Variants in TET1 observed in about 807,000 individuals in gnomAD.
TET1 encodes tet methylcytosine dioxygenase 1.
A neutral mutation model predicts 148.7 loss-of-function variants in TET1; 13 were observed. The ratio of observed to expected loss-of-function variants is 0.09; its 90% CI spans 0.06 to 0.14. TET1 has a LOEUF of 0.14. Among genes scored for constraint, TET1 ranks in the 10% least tolerant of loss-of-function variants. The pLI, the probability that TET1 is intolerant of heterozygous loss-of-function variation, is 1.00. For missense variants in TET1, 2,182 were observed against 2,553.8 expected, an observed-to-expected ratio of 0.85 and a Z score of 3.14; for synonymous variants, 907 against 937.2, an observed-to-expected ratio of 0.97 and a Z score of 0.59.
chr10:68,574,591 G>T (rs1391031314), intron 2 of TET1, among the ~76,000 whole-genome samples: 1 of 152,126 alleles, frequency 6.6e-6, no homozygotes, highest in Non-Finnish European at 1.5e-5. Context: ...GCCTCTTTTG[G>T]CTAGTTGCAT....
At chr10:68,677,315 A>G (rs2055375075) in intron 8 of TET1, among the ~76,000 whole-genome samples, 1 of 152,018 alleles carries the variant, frequency 6.6e-6, no homozygotes, top group Admixed American at 6.6e-5. Context: ...TCCTGATTTA[A>G]CTCCTTCTGA....
At chr10:68,676,228 A>G (rs1477083397) in intron 8 of TET1, among the ~76,000 whole-genome samples, 6 of 67,612 alleles carry the variant, frequency 8.9e-5, no homozygotes, top group East Asian at 4.2e-4. Context: ...ATATATATGT[A>G]TGTATGTGTA....
intron 6 of TET1, among the ~76,000 whole-genome samples, chr10:68,658,084 T>C (rs1329305742): frequency 6.6e-6 from 1 of 152,174 alleles, no homozygotes; most frequent in African/African-American, 2.4e-5. Context: ...GTATTTGTTA[T>C]AAAACATTAA....
At chr10:68,632,017 C>T (rs2054579177) in intron 3 of TET1, among the ~76,000 whole-genome samples, 1 of 151,724 alleles carries the variant, frequency 6.6e-6, no homozygotes, top group Non-Finnish European at 1.5e-5. Flanking sequence ...TTGATATTGG[C>T]TAAACCCTAG....
intron 3 of TET1, among the ~76,000 whole-genome samples, chr10:68,637,899 C>T (rs1449246387): frequency 6.6e-6 from 1 of 151,946 alleles, no homozygotes; most frequent in African/African-American, 2.4e-5. Flanking sequence ...AGTACCTCAG[C>T]CTCCAAAGTA....
chr10:68,650,270 A>C (rs1375537832), intron 4 of TET1, among the ~76,000 whole-genome samples: 2 of 152,178 alleles, frequency 1.3e-5, no homozygotes, highest in Non-Finnish European at 2.9e-5. Flanking sequence ...CCTTAGCGGC[A>C]ACATTCCCCT....
chr10:68,650,584 T>C (rs2054917283), intron 4 of TET1, among the ~76,000 whole-genome samples: 1 of 151,852 alleles, frequency 6.6e-6, no homozygotes, highest in South Asian at 2.1e-4. Context: ...TGAGCCAAGA[T>C]CTCATCACTG....
chr10:68,607,948 T>C (rs2054149199), intron 3 of TET1, among the ~76,000 whole-genome samples: 1 of 151,168 alleles, frequency 6.6e-6, no homozygotes, highest in African/African-American at 2.4e-5. Context: ...TTTTTTTTTT[T>C]GGACAGAGTC....
chr10:68,591,763 C>T (rs12243361), intron 2 of TET1, among the ~76,000 whole-genome samples: 51,339 of 151,646 alleles, frequency 0.34, 9,021 homozygotes, highest in Middle Eastern at 0.44. Context: ...ATTAGCTGGG[C>T]GTGGTGGTGG....
At chr10:68,659,382 C>T (rs1237266886) in intron 6 of TET1, among the ~76,000 whole-genome samples, 4 of 152,048 alleles carry the variant, frequency 2.6e-5, no homozygotes, top group Non-Finnish European at 4.4e-5. Context: ...GGGTGGAGTA[C>T]AGTAGTGTGA....
At chr10:68,639,743 G>A (rs1222680250) in intron 3 of TET1, among the ~76,000 whole-genome samples, 1 of 152,050 alleles carries the variant, frequency 6.6e-6, no homozygotes, top group East Asian at 1.9e-4. Context: ...TGGGAATACA[G>A]GCGTGAGCCA....
intron 6 of TET1, among the ~76,000 whole-genome samples, chr10:68,656,950 C>T (rs1035772961): frequency 6.6e-6 from 1 of 151,194 alleles, no homozygotes; most frequent in Admixed American, 6.6e-5. Flanking sequence ...CACTTGAACC[C>T]AGGAGGCGGA....
chr10:68,566,390 T>A (rs1043653946), intron 1 of TET1, among the ~76,000 whole-genome samples: 1 of 152,216 alleles, frequency 6.6e-6, no homozygotes, highest in African/African-American at 2.4e-5. Context: ...AATTGGAATG[T>A]CTTGTTTTCT....
intron 3 of TET1, among the ~76,000 whole-genome samples, chr10:68,610,782 A>T (rs1047768115): frequency 6.6e-6 from 1 of 151,918 alleles, no homozygotes; most frequent in Non-Finnish European, 1.5e-5. Context: ...CAGCCTCCCA[A>T]ATAGCTGGGA....
At chr10:68,670,742 A>C (rs1183361408) in intron 7 of TET1, among the ~76,000 whole-genome samples, 1 of 152,180 alleles carries the variant, frequency 6.6e-6, no homozygotes, top group African/African-American at 2.4e-5. Flanking sequence ...AACCATTTTC[A>C]TTCCATTTGC....
chr10:68,629,384 T>A (rs1016272995), intron 3 of TET1, among the ~76,000 whole-genome samples: 7 of 152,042 alleles, frequency 4.6e-5, no homozygotes, highest in African/African-American at 1.4e-4. Context: ...TAATAATAAT[T>A]AAATAAAAAT....
Position 68,645,956 on chromosome 10 carries a change from A to G in TET1, c.3227A>G (p.Asp1076Gly). 1 of 1,614,116 alleles carries G rather than the reference A, an allele frequency of 6.2e-7. No homozygotes were observed. Among genetic ancestry groups the G allele is most frequent in the Non-Finnish European group, 8.5e-7 (1 of 1,180,006 alleles). ...GCAACCCATACCCAAATTGAGGAAG[A>G]TGTTGCAACACAGTTGACACAACTT... ...QDATHTQIEE[D>G]VATQLTQLAS... The change falls in exon 4 of 12, where the codon GAT becomes GGT. Residue 1076 changes from aspartate to glycine, a missense_variant. Asp to Gly is a moderately conservative substitution (Grantham distance 94). Around this residue, in one of 11 missense-constraint regions of TET1, gnomAD observed 582 missense variants for 599.5 expected, o/e 0.97. Coordinates refer to ENST00000373644, the MANE Select transcript of TET1 (RefSeq NM_030625.3).
rs980829577 is a variant in TET1, at chr10:68,646,877, C to T, written c.4148C>T (p.Ser1383Leu). The T allele has an allele frequency of 8.1e-6, 13 of 1,614,160 alleles. No individual in the cohort carries two copies. Among genetic ancestry groups the T allele is most frequent in the Non-Finnish European group, 1.0e-5 (12 of 1,180,038 alleles). The stretch of plus-strand genomic sequence containing the variant: ...GTCTGTTCATCCAGTTTTGGAACAT[C>T]AGAATTTTCCACAGTGGACAGTGCA... ...EEVCSSSFGT[S>L]EFSTVDSAQK... Residue 1383 changes from serine to leucine, a missense_variant, in exon 4 of 12, where the codon TCA becomes TTA. Coordinates refer to ENST00000373644, the MANE Select transcript of TET1 (RefSeq NM_030625.3).
At chr10:68,596,485 C>T (rs988567844) in intron 2 of TET1, among the ~76,000 whole-genome samples, 6 of 151,960 alleles carry the variant, frequency 3.9e-5, no homozygotes, top group East Asian at 3.9e-4. Flanking sequence ...GATGTGTCTC[C>T]GCTATGTAGC....
Sources: gnomAD v4.1 joint callset for allele counts (sites outside exome capture counted in the v4.1 genomes callset) on GRCh38, gnomAD v4.1.1 for gene constraint, gnomAD v4.1.1 regional missense constraint, MANE v1.5 for transcripts, NCBI Gene and HGNC (gene_info 2026-07-23, HGNC 2026-07-21) for gene names.